NXN: variants seen among roughly 807,000 people sequenced by gnomAD.
NXN encodes the protein nucleoredoxin.
In NXN, 16 loss-of-function variants were observed where a neutral mutation model predicts 48.6. The ratio of observed to expected loss-of-function variants is 0.33; its 90% CI spans 0.22 to 0.50. The LOEUF (loss-of-function observed/expected upper bound fraction) is 0.50. Ranked by LOEUF, NXN falls within the 20% of genes least tolerant of loss-of-function variation. The pLI is 0.98. For synonymous variants in NXN, 281 were observed against 269.6 expected (o/e 1.04, Z -0.41); for missense variants, 492 against 605.5 (o/e 0.81, Z 1.97).
intron 5 of NXN, among the ~76,000 whole-genome samples, chr17:806,217 G>A (rs1482161888): frequency 3.8e-5 from 3 of 79,170 alleles, no homozygotes; most frequent in Non-Finnish European, 6.8e-5. Flanking sequence ...CCCGCCGTCT[G>A]CACCCCAGCA....
chr17:909,967 C>T (rs866743225), intron 1 of NXN: 1 of 152,186 alleles, frequency 6.6e-6, no homozygotes, highest in African/African-American at 2.4e-5. Flanking sequence ...TATATCTATC[C>T]ACTATGGATC....
chr17:810,256 A>T (rs1911894826), intron 5 of NXN, among the ~76,000 whole-genome samples: 1 of 123,274 alleles, frequency 8.1e-6, no homozygotes, highest in African/African-American at 3.1e-5. Context: ...CGAGTCTGTG[A>T]GTGGCGTGCA....
chr17:856,767 G>A (rs979563759), intron 1 of NXN, among the ~76,000 whole-genome samples: 6 of 151,990 alleles, frequency 3.9e-5, no homozygotes, highest in East Asian at 1.9e-4. Flanking sequence ...GGAGTGAGCC[G>A]CCGGCCACGC....
At chr17:886,474 C>T (rs1298186415) in intron 1 of NXN, among the ~76,000 whole-genome samples, 2 of 152,184 alleles carry the variant, frequency 1.3e-5, no homozygotes, top group South Asian at 2.1e-4. Context: ...AGAGGCTTCG[C>T]TCCACGGGAA....
At chr17:915,505 A>G (rs1245205057) in intron 1 of NXN, among the ~76,000 whole-genome samples, 68 of 151,320 alleles carry the variant, frequency 4.5e-4, no homozygotes, top group Admixed American at 2.6e-4. Flanking sequence ...GACTGGTCTC[A>G]AACTCTTGGG....
chr17:841,520 TCCCCCCGACCATGGAGCATCTCAC>T (rs1914252817), intron 1 of NXN, among the ~76,000 whole-genome samples: 2 of 114,536 alleles, frequency 1.7e-5, no homozygotes, highest in Non-Finnish European at 3.6e-5. Flanking sequence ...GGCGAGCAGG[TCCCCCCGACCATGGAGCATCTCAC>T]GCCGGCGAGC....
chr17:837,037 G>A (rs1913866182), intron 1 of NXN, among the ~76,000 whole-genome samples: 1 of 151,874 alleles, frequency 6.6e-6, no homozygotes, highest in African/African-American at 2.4e-5. Context: ...GGAGAGCAGT[G>A]ACACAATCAT....
intron 1 of NXN, among the ~76,000 whole-genome samples, chr17:966,495 G>GCC (rs1437920601): frequency 1.1e-4 from 16 of 152,110 alleles, no homozygotes; most frequent in African/African-American, 3.9e-4. Context: ...TTGCAGGCAT[G>GCC]CGCCACCACG....
intron 1 of NXN, among the ~76,000 whole-genome samples, chr17:972,955 C>T (rs2069407065): frequency 1.3e-5 from 2 of 151,118 alleles, no homozygotes; most frequent in Non-Finnish European, 2.9e-5. Context: ...GGCAGGAACC[C>T]GGGAGGCGGA....
chr17:881,960 G>T (rs1215165455), intron 1 of NXN, among the ~76,000 whole-genome samples: 1 of 152,182 alleles, frequency 6.6e-6, no homozygotes, highest in African/African-American at 2.4e-5. Flanking sequence ...AGTCACCAGA[G>T]AGGCTCAGCA....
At chr17:891,934 C>G (rs1243273518) in intron 1 of NXN, among the ~76,000 whole-genome samples, 19 of 131,602 alleles carry the variant, frequency 1.4e-4, no homozygotes, top group South Asian at 3.2e-4. Flanking sequence ...CACAACCCAA[C>G]AGGGAACCTA....
intron 1 of NXN, 50 bp downstream of exon 1, chr17:979,269 G>C: frequency 1.7e-6 from 2 of 1,165,684 alleles, no homozygotes; most frequent in Non-Finnish European, 1.1e-6. Flanking sequence ...GCGGGCAGGG[G>C]TAACGGGCGT....
At chr17:907,846 C>T (rs1301835549) in intron 1 of NXN, 2 of 152,092 alleles carry the variant, frequency 1.3e-5, no homozygotes, top group East Asian at 1.9e-4. Context: ...TCTGTCCTCT[C>T]GAAACCAGTT....
chr17:909,098 C>CAAAAAA lies in NXN; in HGVS notation c.360+70215_360+70220dup, dbSNP rs59822805. On this transcript the variant is annotated intron_variant, in intron 1 of 7. Coordinates refer to ENST00000336868, the MANE Select transcript of NXN (RefSeq NM_022463.5). ...TGGGCGACAGAGTGAGACTTCGTCT[C>CAAAAAA]AAAAAAAAAAAAAAAAAAAAAAAAA... Among the ~76,000 whole-genome samples, 214 of 117,306 alleles carry CAAAAAA rather than the reference C, an allele frequency of 1.8e-3. 6 individuals are homozygous for CAAAAAA. The highest frequency in any genetic ancestry group is 7.9e-3 in the East Asian group (30 of 3,810). The allele number at this position is 117,306 out of a possible 152,430, so 77.0% of individuals were successfully genotyped here.
At chr17:977,023 T>C (rs897932337) in intron 1 of NXN, among the ~76,000 whole-genome samples, 18 of 152,084 alleles carry the variant, frequency 1.2e-4, no homozygotes, top group African/African-American at 1.9e-4. Flanking sequence ...ACCTCAGCCT[T>C]CCAAAGTGCT....
intron 1 of NXN, among the ~76,000 whole-genome samples, chr17:943,869 T>G (rs1039462927): frequency 1.3e-5 from 2 of 151,818 alleles, no homozygotes; most frequent in East Asian, 3.9e-4. Flanking sequence ...TTATGTTATG[T>G]ATATTCTACC....
At position 848,321 on chromosome 17, in the gene NXN, G is replaced by A. The variant is rs1184357212; in HGVS notation, c.361-22243C>T. The stretch of plus-strand genomic sequence containing the variant: ...CCCGGCTAATTTCTTTGTATTTTTA[G>A]GAGAGACAGGGTTTCACCATGTTGG... On this transcript the variant is annotated intron_variant, in intron 1 of 7. Transcript: ENST00000336868. Among the ~76,000 whole-genome samples the A allele has an allele frequency of 2.0e-5, 3 of 152,122 alleles. No homozygotes were observed. The East Asian group carries it at 5.8e-4, about 29-fold the overall frequency.
At chr17:922,852 C>T (rs532730642) in intron 1 of NXN, among the ~76,000 whole-genome samples, 1 of 152,080 alleles carries the variant, frequency 6.6e-6, no homozygotes, top group Admixed American at 6.6e-5. Flanking sequence ...GGGGTTTCAC[C>T]GTATTAGCCA....
At chr17:887,336 C>G (rs560785247) in intron 1 of NXN, among the ~76,000 whole-genome samples, 2 of 152,252 alleles carry the variant, frequency 1.3e-5, no homozygotes, top group Admixed American at 1.3e-4. Context: ...GTGTGGACAA[C>G]GTACAGTCAC....
Sources: gnomAD v4.1 joint callset for allele counts (sites outside exome capture counted in the v4.1 genomes callset) on GRCh38, gnomAD v4.1.1 for gene constraint, MANE v1.5 for transcripts, NCBI Gene and HGNC (gene_info 2026-07-23, HGNC 2026-07-21) for gene names.